EVI5: variants seen among roughly 807,000 people sequenced by gnomAD.
EVI5 encodes the protein ecotropic viral integration site 5 protein homolog.
A neutral mutation model predicts 112.0 loss-of-function variants in EVI5; 73 were observed. That is an observed-to-expected ratio of 0.65 (90% CI 0.54 to 0.79). EVI5 has a LOEUF of 0.79. Among genes scored for constraint, EVI5 ranks in the 30% least tolerant of loss-of-function variants. The pLI, the probability that EVI5 is intolerant of heterozygous loss-of-function variation, is 0.00. For missense variants in EVI5, 900 were observed against 968.8 expected, an observed-to-expected ratio of 0.93 and a Z score of 0.94; for synonymous variants, 305 against 319.9, an observed-to-expected ratio of 0.95 and a Z score of 0.50.
intron 18 of EVI5, among the ~76,000 whole-genome samples, chr1:92,572,487 T>A (rs1670455654): frequency 6.6e-6 from 1 of 152,118 alleles, no homozygotes; most frequent in Non-Finnish European, 1.5e-5. Context: ...AAGTAAACAC[T>A]GGTCTACACT....
chr1:92,700,028 G>T lies in EVI5; in HGVS notation c.640-2043C>A, dbSNP rs1670908342. 1.3e-5 allele frequency among the ~76,000 whole-genome samples: 2 copies of T among 152,032 alleles called. 1 individual carries two copies. On this transcript the variant is annotated intron_variant, in intron 5 of 19. Coordinates refer to ENST00000684568, the MANE Select transcript of EVI5 (RefSeq NM_001350197.2). ...GTAATTTGACAAAAGAGGAAAAGGA[G>T]ACAGAAAAAGTATCACTAGGTCCTT... is the stretch of plus-strand genomic sequence containing the variant.
intron 5 of EVI5, among the ~76,000 whole-genome samples, chr1:92,700,284 T>A (rs992694224): frequency 1.3e-5 from 2 of 152,244 alleles, no homozygotes; most frequent in South Asian, 4.1e-4. Flanking sequence ...GTGAGATATA[T>A]ACAAAACATA....
intron 1 of EVI5, 22 bp from the exon 2 acceptor site, chr1:92,736,649 G>A: frequency 6.7e-7 from 1 of 1,501,224 alleles, no homozygotes; most frequent in South Asian, 1.1e-5. Context: ...AATAAAAGTT[G>A]CATATACTTT....
intron 13 of EVI5, among the ~76,000 whole-genome samples, chr1:92,638,769 T>C (rs1442319960): frequency 1.3e-5 from 2 of 152,174 alleles, no homozygotes; most frequent in African/African-American, 4.8e-5. Flanking sequence ...GATAGTGCTA[T>C]TAATTGACAG....
At chr1:92,674,627 T>TAA (rs768607884) in intron 10 of EVI5, among the ~76,000 whole-genome samples, 8 of 151,468 alleles carry the variant, frequency 5.3e-5, no homozygotes, top group Admixed American at 2.0e-4. Flanking sequence ...ATGGCACGTG[T>TAA]ATACCTATGT....
chr1:92,689,533 A>G (rs1331372602), intron 9 of EVI5, among the ~76,000 whole-genome samples: 1 of 152,102 alleles, frequency 6.6e-6, no homozygotes, highest in Non-Finnish European at 1.5e-5. Context: ...CATCCAGCTA[A>G]TTTTTCTATT....
At chr1:92,697,437 T>C (rs1670488623) in intron 6 of EVI5, among the ~76,000 whole-genome samples, 1 of 151,828 alleles carries the variant, frequency 6.6e-6, no homozygotes, top group South Asian at 2.1e-4. Context: ...AATTACGGGC[T>C]AGCAAAAAAT....
chr1:92,576,490 A>G (rs1019535197), intron 18 of EVI5, among the ~76,000 whole-genome samples: 2 of 152,204 alleles, frequency 1.3e-5, no homozygotes, highest in Admixed American at 6.5e-5. Flanking sequence ...TTACTAAAAT[A>G]TAAGTAAAAT....
intron 19 of EVI5, among the ~76,000 whole-genome samples, chr1:92,557,897 G>GTATTTATTTATT (rs59677545): frequency 8.7e-5 from 13 of 148,678 alleles, no homozygotes; most frequent in African/African-American, 1.5e-4. Flanking sequence ...GCCAATTTTT[G>GTATTTATTTATT]TATTTATTTA....
intron 1 of EVI5, among the ~76,000 whole-genome samples, chr1:92,737,443 T>C (rs1677629935): frequency 6.6e-6 from 1 of 152,224 alleles, no homozygotes; most frequent in African/African-American, 2.4e-5. Context: ...GCCTTTAAGA[T>C]TCCTCTCTTT....
chr1:92,530,009 AAAT>A (rs996544463), intron 19 of EVI5, among the ~76,000 whole-genome samples: 6 of 152,160 alleles, frequency 3.9e-5, no homozygotes, highest in Non-Finnish European at 7.3e-5. Flanking sequence ...TAAATATTTA[AAAT>A]AAGCACTGTT....
intron 13 of EVI5, among the ~76,000 whole-genome samples, chr1:92,650,670 C>G (rs1263937140): frequency 1.3e-5 from 2 of 152,046 alleles, no homozygotes; most frequent in Non-Finnish European, 2.9e-5. Flanking sequence ...AATTTTCTAT[C>G]TGATCCACTT....
intron 2 of EVI5, among the ~76,000 whole-genome samples, chr1:92,727,993 CAA>C (rs35202027): frequency 3.0e-4 from 41 of 137,764 alleles, no homozygotes; most frequent in Middle Eastern, 7.2e-3. Flanking sequence ...GACCCTGTCT[CAA>C]AAAAAAAAAA....
intron 18 of EVI5, among the ~76,000 whole-genome samples, chr1:92,592,194 G>C (rs1385806817): frequency 6.6e-6 from 1 of 152,092 alleles, no homozygotes; most frequent in Non-Finnish European, 1.5e-5. Flanking sequence ...AGTGAGCCAG[G>C]ACCTTGCCAC....
At chr1:92,719,751 C>A (rs1674419278) in intron 2 of EVI5, among the ~76,000 whole-genome samples, 1 of 152,010 alleles carries the variant, frequency 6.6e-6, no homozygotes, top group African/African-American at 2.4e-5. Context: ...AAGAGGAAGT[C>A]AAATTGCTCC....
chr1:92,723,598 A>G (rs899503381), intron 2 of EVI5, among the ~76,000 whole-genome samples: 7 of 152,210 alleles, frequency 4.6e-5, no homozygotes, highest in African/African-American at 1.7e-4. Flanking sequence ...AACTGAGAAT[A>G]TACGTCACCT....
chr1:92,617,645 C>T (rs1314587867), intron 16 of EVI5, among the ~76,000 whole-genome samples: 1 of 152,220 alleles, frequency 6.6e-6, no homozygotes, highest in Non-Finnish European at 1.5e-5. Context: ...GACCTGGCTA[C>T]AGCCACTGCT....
chr1:92,660,184 T>C (rs1237645855), intron 13 of EVI5, among the ~76,000 whole-genome samples: 3 of 152,014 alleles, frequency 2.0e-5, no homozygotes, highest in Non-Finnish European at 2.9e-5. Flanking sequence ...CTATGAAATA[T>C]ATCCATGTAA....
In EVI5 at chr1:92,694,356, T is replaced by G. The variant is rs772107546; in HGVS notation, c.942A>C (p.Ala314=). ...GLEIVFRVGL[A]LLQMNQAELM... ...GTTCTGCCTGATTCATCTGAAGAAGTGCTAATCCTACACGAAACACTATTT... is the reference window on the plus strand; with the variant it reads ...GTTCTGCCTGATTCATCTGAAGAAGGGCTAATCCTACACGAAACACTATTT... The change falls in exon 8 of 20, where the codon GCA becomes GCC. Residue 314 remains alanine, a synonymous_variant. Coordinates refer to ENST00000684568, the MANE Select transcript of EVI5 (RefSeq NM_001350197.2). 1.9e-6 allele frequency: 3 copies of G among 1,606,054 alleles called. No homozygotes were observed. The highest frequency in any genetic ancestry group is 1.7e-6 in the Non-Finnish European group (2 of 1,173,908).
Sources: gnomAD v4.1 joint callset for allele counts (sites outside exome capture counted in the v4.1 genomes callset) on GRCh38, gnomAD v4.1.1 for gene constraint, MANE v1.5 for transcripts, NCBI Gene and HGNC (gene_info 2026-07-23, HGNC 2026-07-21) for gene names.